The following ANKFN1 variants were observed in gnomAD, a reference collection of about 807,000 sequenced individuals.
ANKFN1 encodes the protein ankyrin repeat and fibronectin type-III domain-containing protein 1.
In ANKFN1, 74 loss-of-function variants were observed where a neutral mutation model predicts 108.7. The ratio of observed to expected loss-of-function variants is 0.68; its 90% CI spans 0.56 to 0.83. The LOEUF (loss-of-function observed/expected upper bound fraction) is 0.83. Ranked by LOEUF, ANKFN1 falls within the 40% of genes least tolerant of loss-of-function variation. The pLI is 0.00. For missense variants in ANKFN1, 1,505 were observed against 1,382.3 expected, an observed-to-expected ratio of 1.09 and a Z score of -1.41; for synonymous variants, 547 against 516.2, an observed-to-expected ratio of 1.06 and a Z score of -0.81.
At chr17:56,294,169 C>G (rs2044444940) in intron 3 of ANKFN1, among the ~76,000 whole-genome samples, 1 of 152,156 alleles carries the variant, frequency 6.6e-6, no homozygotes, top group South Asian at 2.1e-4. Context: ...ATAAAGAAAC[C>G]AAATAATGCC....
chr17:56,218,070 T>C (rs1446093743), intron 2 of ANKFN1, among the ~76,000 whole-genome samples: 2 of 152,140 alleles, frequency 1.3e-5, no homozygotes, highest in East Asian at 3.9e-4. Flanking sequence ...TTCTCTCATA[T>C]TGCTCATTTC....
chr17:56,460,625 C>G (rs1363825406), intron 14 of ANKFN1, among the ~76,000 whole-genome samples: 1 of 151,956 alleles, frequency 6.6e-6, no homozygotes, highest in Non-Finnish European at 1.5e-5. Context: ...AATTTATAAA[C>G]CTCCTTGCAC....
At chr17:56,305,542 A>G (rs1340397393) in intron 3 of ANKFN1, among the ~76,000 whole-genome samples, 1 of 152,164 alleles carries the variant, frequency 6.6e-6, no homozygotes, top group East Asian at 1.9e-4. Context: ...TATTCTAGAC[A>G]CTTGTTCTTT....
chr17:56,423,762 C>A (rs576868231), intron 8 of ANKFN1, among the ~76,000 whole-genome samples: 31 of 152,190 alleles, frequency 2.0e-4, no homozygotes, highest in Non-Finnish European at 3.8e-4. Flanking sequence ...ACTTCAGCAA[C>A]AATTTGCTCA....
chr17:56,229,659 TGCAAAA>T (rs1916557383), intron 3 of ANKFN1, among the ~76,000 whole-genome samples: 1 of 75,924 alleles, frequency 1.3e-5, no homozygotes, highest in Non-Finnish European at 2.2e-5. Flanking sequence ...CCTTTCAGAT[TGCAAAA>T]AAAAAAAAAA....
chr17:56,055,566 C>CATAGATATATATATATATAT (rs1555588763), intron 4 of ANKFN1, among the ~76,000 whole-genome samples: 1 of 47,442 alleles, frequency 2.1e-5, no homozygotes, highest in Non-Finnish European at 3.5e-5. Flanking sequence ...GGTATATATA[C>CATAGATATATATATATATAT]ATATATATAT....
chr17:56,504,751 G>A (rs550640712), intron 20 of ANKFN1, among the ~76,000 whole-genome samples: 2 of 151,808 alleles, frequency 1.3e-5, no homozygotes, highest in East Asian at 3.9e-4. Flanking sequence ...TGACTCCCAG[G>A]TTCAAGTGAT....
intron 1 of ANKFN1, among the ~76,000 whole-genome samples, chr17:56,159,562 AG>A (rs1486801355): frequency 6.6e-6 from 1 of 152,224 alleles, no homozygotes; most frequent in Non-Finnish European, 1.5e-5. Context: ...GATGTTGACA[AG>A]TAATAACTGC....
chr17:56,294,341 G>A (rs1046518402), intron 3 of ANKFN1, among the ~76,000 whole-genome samples: 1 of 152,206 alleles, frequency 6.6e-6, no homozygotes, highest in Non-Finnish European at 1.5e-5. Context: ...ACCACTGCCT[G>A]AAGAGAGGCT....
At position 56,511,018 on chromosome 17, in the gene ANKFN1, C is replaced by T; in HGVS notation, c.3190C>T (p.Leu1064=). 6.5e-7 allele frequency: 1 copy of T among 1,536,014 alleles called. No homozygotes were observed. Among genetic ancestry groups the T allele is most frequent in the African/African-American group, 1.4e-5 (1 of 73,184 alleles). ...AGPALDDPRG[L]TLAHAASLPE... ...CCCTGCCCTTGATGATCCCAGGGGC[C>T]TAACTCTGGCCCACGCTGCCAGCCT... Residue 1064 remains leucine, a synonymous_variant, in exon 21 of 21, where the codon CTA becomes TTA. Coordinates refer to ENST00000682825, the MANE Select transcript of ANKFN1 (RefSeq NM_001370326.1).
chr17:56,229,166 G>A (rs890689520), intron 3 of ANKFN1, among the ~76,000 whole-genome samples: 8 of 152,136 alleles, frequency 5.3e-5, no homozygotes, highest in East Asian at 1.9e-4. Context: ...AACGTATTAC[G>A]CATTCACTGA....
At chr17:56,442,653 A>T (rs568837767) in intron 9 of ANKFN1, among the ~76,000 whole-genome samples, 190 bp from the exon 10 acceptor site, 197 of 152,288 alleles carry the variant, frequency 1.3e-3, no homozygotes, top group African/African-American at 4.6e-3. Flanking sequence ...TATAAACATA[A>T]TAGTCAAGAA....
chr17:56,104,546 G>A (rs77388915), intron 4 of ANKFN1, among the ~76,000 whole-genome samples: 85 of 152,304 alleles, frequency 5.6e-4, no homozygotes, highest in African/African-American at 1.9e-3. Context: ...GAGAAGCATA[G>A]TCCCCTGTGG....
chr17:56,505,318 G>A (rs2051517355), intron 20 of ANKFN1, among the ~76,000 whole-genome samples: 3 of 152,160 alleles, frequency 2.0e-5, no homozygotes, highest in Admixed American at 2.0e-4. Flanking sequence ...TTCAATATTT[G>A]TTTCAGTTTC....
At chr17:56,340,669 T>C (rs1213288701) in intron 4 of ANKFN1, among the ~76,000 whole-genome samples, 1 of 152,138 alleles carries the variant, frequency 6.6e-6, no homozygotes, top group Non-Finnish European at 1.5e-5. Flanking sequence ...TATGTCTCTG[T>C]TCTTGTGCCA....
intron 1 of ANKFN1, chr17:56,195,433 T>G (rs989117536): frequency 6.6e-6 from 1 of 152,208 alleles, no homozygotes; most frequent in Non-Finnish European, 1.5e-5. Flanking sequence ...GAGGATTTTA[T>G]TTTACACAAT....
chr17:56,417,736 C>A (rs1228102386), intron 8 of ANKFN1, among the ~76,000 whole-genome samples: 2 of 152,166 alleles, frequency 1.3e-5, no homozygotes, highest in Admixed American at 6.5e-5. Context: ...TTCAGTGTGT[C>A]TGTGGGAGGA....
upstream of ANKFN1, among the ~76,000 whole-genome samples, chr17:56,149,438 C>T (rs559218522): frequency 5.9e-5 from 9 of 151,784 alleles, no homozygotes; most frequent in Non-Finnish European, 1.2e-4. Context: ...ATGGCACCAA[C>T]GGCAAGTTCT....
chr17:56,148,932 AC>A, upstream of ANKFN1, among the ~76,000 whole-genome samples: 1 of 152,288 alleles, frequency 6.6e-6, no homozygotes, highest in East Asian at 1.9e-4. Context: ...TCTCCCAACA[AC>A]CATGAAAGGT....
Sources: allele counts gnomAD v4.1 joint callset (sites outside exome capture counted in the v4.1 genomes callset), GRCh38; gene constraint gnomAD v4.1.1; transcripts MANE v1.5; gene names NCBI Gene and HGNC (gene_info 2026-07-23, HGNC 2026-07-21).